ITGA1: variants seen among roughly 807,000 people sequenced by gnomAD.
ITGA1 encodes integrin subunit alpha 1.
In ITGA1, 85 loss-of-function variants were observed where a neutral mutation model predicts 145.9. That is an observed-to-expected ratio of 0.58 (90% confidence interval 0.49 to 0.70). ITGA1 has a LOEUF of 0.70. Ranked by LOEUF, ITGA1 falls within the 30% of genes least tolerant of loss-of-function variation. ITGA1 has a pLI of 0.00. For missense variants in ITGA1, 1,351 were observed against 1,418.7 expected (o/e 0.95, Z 0.77); for synonymous variants, 520 against 495.3 (o/e 1.05, Z -0.66).
intron 1 of ITGA1, among the ~76,000 whole-genome samples, chr5:52,823,558 G>A (rs1037077184): frequency 6.6e-5 from 10 of 152,094 alleles, no homozygotes; most frequent in African/African-American, 2.2e-4. Flanking sequence ...TTATTCTCTT[G>A]GGCATCTCAA....
intron 1 of ITGA1, among the ~76,000 whole-genome samples, chr5:52,834,721 G>A (rs549342305): frequency 6.6e-6 from 1 of 150,658 alleles, no homozygotes; most frequent in East Asian, 2.0e-4. Flanking sequence ...GAAGGAAGGA[G>A]AGAAAGAGAG....
chr5:52,808,339 A>G (rs1371297417), intron 1 of ITGA1, among the ~76,000 whole-genome samples: 1 of 152,222 alleles, frequency 6.6e-6, no homozygotes, highest in African/African-American at 2.4e-5. Flanking sequence ...TCTCAGTAAT[A>G]AAACTCAAAT....
rs148486728 is a variant in ITGA1 at position 52,947,170 on chromosome 5, ATAGT to A, written c.3379-171_3379-168del. On this transcript the variant is annotated intron_variant, in intron 27 of 28. Coordinates refer to ENST00000282588, the MANE Select transcript of ITGA1 (RefSeq NM_181501.2). The stretch of plus-strand genomic sequence containing the variant: ...ACCTTTTGGTAATAATAAATTTGAC[ATAGT>A]TAGAGATTTAGACTAGATGAAGAGC... Among the ~76,000 whole-genome samples the A allele has an allele frequency of 1.9e-3, 279 of 147,168 alleles. 1 individual carries two copies. Among genetic ancestry groups the A allele is most frequent in the African/African-American group, 5.9e-3 (243 of 41,056 alleles).
chr5:52,937,960 T>G (rs1313095126), intron 24 of ITGA1, among the ~76,000 whole-genome samples: 2 of 152,170 alleles, frequency 1.3e-5, no homozygotes, highest in Non-Finnish European at 2.9e-5. Flanking sequence ...TCTTTGTGTT[T>G]CTGCACACTC....
chr5:52,925,128 T>A, intron 18 of ITGA1, 150 bp from the exon 19 acceptor site: 1 of 623,652 alleles, frequency 1.6e-6, no homozygotes, highest in Admixed American at 2.8e-5. Flanking sequence ...GGGATAAATA[T>A]AAAATCCCTT....
At chr5:52,859,648 G>A (rs1280154472) in intron 2 of ITGA1, among the ~76,000 whole-genome samples, 1 of 152,084 alleles carries the variant, frequency 6.6e-6, no homozygotes, top group Non-Finnish European at 1.5e-5. Context: ...TTCAAAATGT[G>A]TGCCTAATCA....
chr5:52,910,696 C>A (rs547602663), intron 14 of ITGA1, among the ~76,000 whole-genome samples: 67 of 145,386 alleles, frequency 4.6e-4, no homozygotes, highest in African/African-American at 1.7e-3. Flanking sequence ...ATACTATATA[C>A]ACACTATATA....
At chr5:52,821,049 C>T (rs1748871815) in intron 1 of ITGA1, among the ~76,000 whole-genome samples, 1 of 152,106 alleles carries the variant, frequency 6.6e-6, no homozygotes, top group Non-Finnish European at 1.5e-5. Context: ...TCTGCCATTA[C>T]AGTCATTGTA....
intron 1 of ITGA1, among the ~76,000 whole-genome samples, chr5:52,809,666 C>G (rs2111682428): frequency 6.6e-6 from 1 of 152,090 alleles, no homozygotes; most frequent in African/African-American, 2.4e-5. Context: ...CCACCACACC[C>G]AGCTAATTGT....
chr5:52,861,784 C>G (rs566604806), intron 3 of ITGA1, among the ~76,000 whole-genome samples: 1 of 150,350 alleles, frequency 6.7e-6, no homozygotes, highest in Admixed American at 6.7e-5. Context: ...GTGTGAGGAT[C>G]GCTTGAGCTC....
intron 1 of ITGA1, among the ~76,000 whole-genome samples, chr5:52,813,503 CAA>C (rs2111689585): frequency 6.6e-6 from 1 of 152,220 alleles, no homozygotes; most frequent in African/African-American, 2.4e-5. Context: ...TGGAAGAAGG[CAA>C]AGAGGCTCAG....
intron 18 of ITGA1, among the ~76,000 whole-genome samples, chr5:52,924,776 G>A (rs1291023098): frequency 6.6e-6 from 1 of 152,080 alleles, no homozygotes; most frequent in Non-Finnish European, 1.5e-5. Context: ...TAGAAGAGGA[G>A]TAGAATGGAC....
At chr5:52,915,104 T>C (rs28691604) in intron 14 of ITGA1, among the ~76,000 whole-genome samples, 4,709 of 152,288 alleles carry the variant, frequency 0.031, 280 homozygotes, top group African/African-American at 0.11. Context: ...TATGATATGT[T>C]TTCAAGATTT....
At chr5:52,843,349 T>A (rs2111741296) in intron 1 of ITGA1, among the ~76,000 whole-genome samples, 1 of 152,364 alleles carries the variant, frequency 6.6e-6, no homozygotes. Flanking sequence ...AGCATTTTAA[T>A]ACATTCCCTT....
rs1256608619 is a variant in ITGA1, at chr5:52,918,874, A to G, written c.2131A>G (p.Lys711Glu). 6 of 1,599,300 alleles carry G rather than the reference A, an allele frequency of 3.8e-6. No individual in the cohort carries two copies. Among genetic ancestry groups the G allele is most frequent in the South Asian group, 2.3e-5 (2 of 87,062 alleles). The change falls in exon 16 of 29, where the codon AAA (lysine) becomes GAA (glutamate). Residue 711 changes from lysine to glutamate, a missense_variant. Transcript: ENST00000282588. ...GTGTTTTGATGTGAAATTAAAGTCT[A>G]AAGAAGACACGATTTATGAAGCTGG... ...TVCFDVKLKS[K>E]EDTIYEADLQ...
chr5:52,845,944 T>C (rs953019612), intron 1 of ITGA1, among the ~76,000 whole-genome samples: 1 of 152,230 alleles, frequency 6.6e-6, no homozygotes, highest in Non-Finnish European at 1.5e-5. Context: ...GGATGTGTTC[T>C]GCAAACTGTG....
In ITGA1 at chr5:52,881,854, C is replaced by T. The variant is rs372649323; in HGVS notation, c.625-19C>T. ...GAAATTTGGATTGACGTATAACTCA[C>T]AGTGGCTTGGTATTTCAGGTTGGAA... On this transcript the variant is annotated intron_variant, in intron 6 of 28. Transcript: ENST00000282588. 6 of 1,597,160 alleles carry T rather than the reference C, an allele frequency of 3.8e-6. No individual in the cohort carries two copies. The highest frequency in any genetic ancestry group is 5.1e-6 in the Non-Finnish European group (6 of 1,170,946).
intron 1 of ITGA1, among the ~76,000 whole-genome samples, chr5:52,794,546 T>C (rs1748303432): frequency 6.7e-6 from 1 of 148,376 alleles, no homozygotes; most frequent in Non-Finnish European, 1.5e-5. Context: ...CTTCTGTTCA[T>C]AGGATTTTGT....
intron 7 of ITGA1, among the ~76,000 whole-genome samples, chr5:52,884,425 C>T (rs1180560217): frequency 1.6e-4 from 23 of 142,246 alleles, no homozygotes. Flanking sequence ...TCAGCCTGGG[C>T]AACAAGAGCA....
Sources: gnomAD v4.1 joint callset for allele counts (sites outside exome capture counted in the v4.1 genomes callset) on GRCh38, gnomAD v4.1.1 for gene constraint, MANE v1.5 for transcripts, NCBI Gene and HGNC (gene_info 2026-07-23, HGNC 2026-07-21) for gene names.